UVRAG: variants seen among roughly 807,000 people sequenced by gnomAD.
UVRAG encodes the protein UV radiation resistance associated, also known as UV radiation resistance-associated gene protein.
In UVRAG, 19 loss-of-function variants were observed where a neutral mutation model predicts 78.0. The observed-to-expected ratio is 0.24, with a 90% CI of 0.17 to 0.36. The LOEUF is 0.36. Ranked by LOEUF, UVRAG falls within the 10% of genes least tolerant of loss-of-function variation. UVRAG has a pLI of 1.00. For missense variants in UVRAG, 740 were observed against 853.8 expected (o/e 0.87, Z 1.66); for synonymous variants, 323 against 324.6 (o/e 1.00, Z 0.05).
intron 14 of UVRAG, among the ~76,000 whole-genome samples, chr11:76,128,441 G>C (rs1022925667): frequency 6.6e-6 from 1 of 152,164 alleles, no homozygotes; most frequent in Non-Finnish European, 1.5e-5. Flanking sequence ...AGCATATGTT[G>C]ATAAGTGTCA....
chr11:75,822,324 C>T (rs913607863), intron 1 of UVRAG, among the ~76,000 whole-genome samples: 4 of 152,194 alleles, frequency 2.6e-5, no homozygotes, highest in African/African-American at 9.6e-5. Flanking sequence ...GCTGTTTTCT[C>T]CTATTACACT....
chr11:75,970,866 A>G (rs1230157779), intron 7 of UVRAG, among the ~76,000 whole-genome samples: 1 of 152,130 alleles, frequency 6.6e-6, no homozygotes, highest in Non-Finnish European at 1.5e-5. Context: ...ATATTAATAC[A>G]TTATTATTAA....
At chr11:76,107,154 CCAAAGCA>C (rs1951986095) in intron 13 of UVRAG, among the ~76,000 whole-genome samples, 1 of 152,150 alleles carries the variant, frequency 6.6e-6, no homozygotes. Flanking sequence ...ATATAAGATT[CCAAAGCA>C]AAGGACCATC....
chr11:75,857,349 T>C (rs1946312458), intron 2 of UVRAG, among the ~76,000 whole-genome samples: 1 of 152,252 alleles, frequency 6.6e-6, no homozygotes, highest in African/African-American at 2.4e-5. Flanking sequence ...GTGTTCCAGC[T>C]AGCTGAAATT....
At chr11:75,841,334 G>A (rs1425344373) in intron 1 of UVRAG, among the ~76,000 whole-genome samples, 2 of 152,150 alleles carry the variant, frequency 1.3e-5, no homozygotes, top group Non-Finnish European at 1.5e-5. Flanking sequence ...CAACCAATAA[G>A]CTAAGAATGG....
chr11:75,885,892 T>G (rs1947064378), intron 4 of UVRAG, among the ~76,000 whole-genome samples: 2 of 152,132 alleles, frequency 1.3e-5, no homozygotes, highest in Non-Finnish European at 2.9e-5. Flanking sequence ...TTTTAATCAA[T>G]GTTTTTTACA....
chr11:75,828,506 A>G (rs1226055189), intron 1 of UVRAG, among the ~76,000 whole-genome samples: 1 of 149,694 alleles, frequency 6.7e-6, no homozygotes, highest in East Asian at 2.0e-4. Context: ...TAATTTTCGG[A>G]GACAAGGTTG....
At chr11:75,837,156 C>T (rs1416551522) in intron 1 of UVRAG, among the ~76,000 whole-genome samples, 1 of 151,952 alleles carries the variant, frequency 6.6e-6, no homozygotes. Context: ...GGTGAAACCC[C>T]ATCCACTAAA....
intron 1 of UVRAG, among the ~76,000 whole-genome samples, chr11:75,841,104 A>G (rs1945898749): frequency 6.6e-6 from 1 of 152,162 alleles, no homozygotes. Context: ...CTGGGCCTTA[A>G]TTCTTGCCTG....
chr11:75,866,927 A>G (rs999926346), intron 3 of UVRAG, among the ~76,000 whole-genome samples: 6 of 152,242 alleles, frequency 3.9e-5, no homozygotes, highest in Non-Finnish European at 8.8e-5. Flanking sequence ...CAATTTTACT[A>G]ACCTGTTGTT....
chr11:75,909,399 G>A lies in UVRAG; in HGVS notation c.508-2555G>A, dbSNP rs554468236. On this transcript the variant is annotated intron_variant, in intron 5 of 14. Transcript: ENST00000356136. Reference sequence around the variant, plus strand: ...TTCAGGTGGCTGAGGCAGGAGGATCGCTTCAGCCCAGGAGGTTGAGACTGC... The same window carrying A: ...TTCAGGTGGCTGAGGCAGGAGGATCACTTCAGCCCAGGAGGTTGAGACTGC... Among the ~76,000 whole-genome samples, 16 of 152,150 alleles carry A rather than the reference G, an allele frequency of 1.1e-4. No homozygotes were observed. The South Asian group carries it at 2.3e-3, about 22-fold the overall frequency.
rs1400735462 is a variant in UVRAG, at chr11:76,016,838, G to A, written c.1084G>A (p.Val362Ile). The change falls in exon 12 of 15, where the codon GTT (valine) becomes ATT (isoleucine). Residue 362 changes from valine (V) to isoleucine (I), a missense_variant. Coordinates refer to ENST00000356136, the MANE Select transcript of UVRAG (RefSeq NM_003369.4). ...AGCAAAAGATGATGGAAGCATTGCT[G>A]TTGCCCTTGGTTATACTGCACATCT... ...FQAKDDGSIA[V>I]ALGYTAHLVS... 6.2e-7 allele frequency: 1 copy of A among 1,601,484 alleles called. No individual in the cohort carries two copies.
intron 5 of UVRAG, 144 bp from the exon 6 acceptor site, chr11:75,911,810 T>G (rs971675692): frequency 7.1e-5 from 40 of 562,384 alleles, no homozygotes; most frequent in Non-Finnish European, 9.1e-5. Context: ...ACATGGCAGA[T>G]ATACTTTACT....
intron 12 of UVRAG, among the ~76,000 whole-genome samples, chr11:76,052,384 T>A (rs542758326): frequency 6.6e-6 from 1 of 152,298 alleles, no homozygotes; most frequent in African/African-American, 2.4e-5. Context: ...CTATCCTCTT[T>A]CACCTCAGGA....
At chr11:75,890,778 G>T (rs930217107) in intron 5 of UVRAG, among the ~76,000 whole-genome samples, 7 of 152,130 alleles carry the variant, frequency 4.6e-5, no homozygotes, top group South Asian at 2.1e-4. Context: ...GGAAGAAAGG[G>T]GGCTAGGTAC....
At chr11:76,053,033 C>T (rs1950899116) in intron 12 of UVRAG, among the ~76,000 whole-genome samples, 1 of 150,684 alleles carries the variant, frequency 6.6e-6, no homozygotes, top group African/African-American at 2.4e-5. Flanking sequence ...TAGCCAGGCA[C>T]TGTGGCTCAC....
intron 14 of UVRAG, among the ~76,000 whole-genome samples, chr11:76,136,850 G>A (rs1293023762): frequency 6.6e-6 from 1 of 152,040 alleles, no homozygotes; most frequent in Non-Finnish European, 1.5e-5. Flanking sequence ...AAGTCTGAAA[G>A]GAAAATACCC....
At chr11:75,977,668 GT>G (rs1451249976) in intron 7 of UVRAG, among the ~76,000 whole-genome samples, 1 of 152,104 alleles carries the variant, frequency 6.6e-6, no homozygotes, top group Non-Finnish European at 1.5e-5. Context: ...TTTAAAGTCT[GT>G]TTTATCAGAG....
intron 13 of UVRAG, among the ~76,000 whole-genome samples, chr11:76,080,721 G>A (rs1951479250): frequency 6.6e-6 from 1 of 152,058 alleles, no homozygotes. Context: ...TTTTTTCTCA[G>A]TAACGTGTAC....
Sources: allele counts gnomAD v4.1 joint callset (sites outside exome capture counted in the v4.1 genomes callset), GRCh38; gene constraint gnomAD v4.1.1; transcripts MANE v1.5; gene names NCBI Gene and HGNC (gene_info 2026-07-23, HGNC 2026-07-21).